ANK1: variants seen among roughly 807,000 people sequenced by gnomAD.
ANK1 encodes the protein ankyrin 1.
A neutral mutation model predicts 210.4 loss-of-function variants in ANK1; 51 were observed. That is an observed-to-expected ratio of 0.24 (90% confidence interval 0.19 to 0.31). ANK1 has a LOEUF of 0.31. ANK1 is among the 10% of genes least tolerant of loss of function. The pLI, the probability that ANK1 is intolerant of heterozygous loss-of-function variation, is 1.00. For synonymous variants in ANK1, 967 were observed against 1,025.9 expected, an observed-to-expected ratio of 0.94 and a Z score of 1.10; for missense variants, 2,051 against 2,504.4, an observed-to-expected ratio of 0.82 and a Z score of 3.86.
At chr8:41,753,286 G>A (rs940907872) in intron 2 of ANK1, among the ~76,000 whole-genome samples, 3 of 151,856 alleles carry the variant, frequency 2.0e-5, no homozygotes, top group African/African-American at 4.8e-5. Context: ...GGCTGGTCTC[G>A]AACACTTGAC....
intron 18 of ANK1, 119 bp downstream of exon 18, chr8:41,706,024 G>A: frequency 1.0e-6 from 1 of 967,844 alleles, no homozygotes; most frequent in Non-Finnish European, 1.7e-6. Context: ...CCAGCCCTAG[G>A]AAGTGGCAGA....
Position 41,663,686 on chromosome 8 carries a change from A to G in ANK1, c.5451T>C (p.Asp1817=). ...TCTTGGTGACAATGTTGCCCTGCTC[A>G]TCCGTGAATTGCTCCTCTGTCACCT... The part of the protein sequence containing the change: ...GEQVTEEQFT[D]EQGNIVTKKI... The change falls in exon 40 of 43, where the codon GAT becomes GAC. Residue 1817 remains aspartate (D), a synonymous_variant. Coordinates refer to ENST00000289734, the MANE Select transcript of ANK1 (RefSeq NM_000037.4). 6.2e-7 allele frequency: 1 copy of G among 1,614,066 alleles called. No homozygotes were observed. Among genetic ancestry groups the G allele is most frequent in the Non-Finnish European group, 8.5e-7 (1 of 1,179,964 alleles).
chr8:41,662,343 T>C (rs190250270), intron 40 of ANK1, among the ~76,000 whole-genome samples: 2 of 150,656 alleles, frequency 1.3e-5, no homozygotes, highest in African/African-American at 4.9e-5. Context: ...GAGGGGGAGG[T>C]AGCTTTTGTC....
At chr8:41,721,080 G>A (rs1829130973) in intron 9 of ANK1, among the ~76,000 whole-genome samples, 1 of 152,186 alleles carries the variant, frequency 6.6e-6, no homozygotes, top group Admixed American at 6.5e-5. Context: ...AAATTCACAT[G>A]CTGCAGTCTT....
At chr8:41,837,410 A>G (rs537901582) in intron 1 of ANK1, among the ~76,000 whole-genome samples, 9 of 152,296 alleles carry the variant, frequency 5.9e-5, no homozygotes, top group African/African-American at 1.9e-4. Flanking sequence ...TGGGGGGGAA[A>G]CACACTGACA....
chr8:41,810,624 G>A (rs1802342503), intron 1 of ANK1, among the ~76,000 whole-genome samples: 1 of 152,244 alleles, frequency 6.6e-6, no homozygotes, highest in Non-Finnish European at 1.5e-5. Flanking sequence ...ATCCAGAGTG[G>A]AGCCTCTCTT....
At chr8:41,790,907 T>C (rs1208925081) in intron 1 of ANK1, among the ~76,000 whole-genome samples, 2 of 152,142 alleles carry the variant, frequency 1.3e-5, no homozygotes, top group African/African-American at 2.4e-5. Context: ...AGATGGGAGA[T>C]GAGGGTCCTC....
chr8:41,688,655 A>G, intron 33 of ANK1, 66 bp from the exon 34 acceptor site: 1 of 1,441,872 alleles, frequency 6.9e-7, no homozygotes, highest in Non-Finnish European at 9.7e-7. Flanking sequence ...AAGTGATCTG[A>G]GCTCCTATGC....
chr8:41,761,343 A>C lies in ANK1; in HGVS notation c.28-3206T>G, dbSNP rs112336934. 2.5e-3 allele frequency among the ~76,000 whole-genome samples: 373 copies of C among 150,944 alleles called. 1 individual carries two copies. The highest frequency in any genetic ancestry group is 4.0e-3 in the Non-Finnish European group (269 of 67,670). The stretch of plus-strand genomic sequence containing the variant: ...TGCACAGATACACACACCTGCACAC[A>C]TACACATGCACATACAGAGACCTGT... On this transcript the variant is annotated intron_variant, in intron 1 of 42. Transcript: ENST00000289734.
At chr8:41,805,390 T>C (rs2150779966) in intron 1 of ANK1, among the ~76,000 whole-genome samples, 1 of 152,118 alleles carries the variant, frequency 6.6e-6, no homozygotes, top group East Asian at 1.9e-4. Context: ...TACAGGTTTG[T>C]GCCACTGTAC....
At chr8:41,873,020 C>T (rs754102461) in intron 1 of ANK1, among the ~76,000 whole-genome samples, 1 of 152,222 alleles carries the variant, frequency 6.6e-6, no homozygotes, top group Non-Finnish European at 1.5e-5. Flanking sequence ...CCTGTGGGCA[C>T]GCTGCAGAGG....
At chr8:41,744,679 G>GGC (rs1218085879) in intron 2 of ANK1, among the ~76,000 whole-genome samples, 3 of 152,006 alleles carry the variant, frequency 2.0e-5, no homozygotes, top group East Asian at 3.9e-4. Context: ...TGGGACTACA[G>GGC]GCCCGCCACC....
intron 1 of ANK1, among the ~76,000 whole-genome samples, chr8:41,879,300 G>A (rs187073379): frequency 3.3e-5 from 5 of 152,200 alleles, no homozygotes; most frequent in African/African-American, 4.8e-5. Context: ...TGTTGTGAGA[G>A]ATCGAATGAG....
At chr8:41,720,789 G>C (rs1563556954) in intron 9 of ANK1, among the ~76,000 whole-genome samples, 1 of 152,124 alleles carries the variant, frequency 6.6e-6, no homozygotes, top group Non-Finnish European at 1.5e-5. Flanking sequence ...GAGGACCAAA[G>C]GGGAAGAACA....
At chr8:41,779,746 G>T (rs936557578) in intron 1 of ANK1, among the ~76,000 whole-genome samples, 1 of 152,202 alleles carries the variant, frequency 6.6e-6, no homozygotes, top group African/African-American at 2.4e-5. Flanking sequence ...TTTTACAAGT[G>T]GAAAACAGGG....
intron 6 of ANK1, 108 bp downstream of exon 6, chr8:41,725,653 G>A: frequency 6.9e-7 from 1 of 1,457,654 alleles, no homozygotes; most frequent in African/African-American, 1.4e-5. Flanking sequence ...CGCACTGCCC[G>A]CCCTGCACGC....
intron 1 of ANK1, among the ~76,000 whole-genome samples, chr8:41,819,074 C>T (rs1255782029): frequency 6.6e-6 from 1 of 152,226 alleles, no homozygotes; most frequent in Non-Finnish European, 1.5e-5. Flanking sequence ...GCCCAGACCT[C>T]ACTGGTTTCT....
intron 1 of ANK1, among the ~76,000 whole-genome samples, chr8:41,769,981 T>C (rs965889083): frequency 4.0e-5 from 5 of 125,992 alleles, no homozygotes; most frequent in Non-Finnish European, 7.3e-5. Context: ...TTTTTTCTTT[T>C]TTTTTTTTTT....
chr8:41,824,263 C>A (rs1804971020), intron 1 of ANK1, among the ~76,000 whole-genome samples: 1 of 152,138 alleles, frequency 6.6e-6, no homozygotes, highest in Admixed American at 6.5e-5. Context: ...GCGTGCCCAG[C>A]CCTTTTTCAG....
Sources: allele counts gnomAD v4.1 joint callset (sites outside exome capture counted in the v4.1 genomes callset), GRCh38; gene constraint gnomAD v4.1.1; transcripts MANE v1.5; gene names NCBI Gene and HGNC (gene_info 2026-07-23, HGNC 2026-07-21).